CALD1: variants seen among roughly 807,000 people sequenced by gnomAD.
CALD1 encodes the protein caldesmon 1.
CALD1 carries 33 observed loss-of-function variants against 99.9 expected under a neutral mutation model. The observed-to-expected ratio is 0.33, with a 90% CI of 0.25 to 0.44. CALD1 has a LOEUF of 0.44. Among genes scored for constraint, CALD1 ranks in the 20% least tolerant of loss-of-function variants. The probability of loss-of-function intolerance (pLI) is 1.00; values close to 1 mark genes in which losing one functional copy is unlikely to be tolerated. For missense variants in CALD1, 861 were observed against 962.1 expected (o/e 0.89, Z 1.39); for synonymous variants, 310 against 325.0 (o/e 0.95, Z 0.50).
chr7:134,776,542 A>G (rs777428241), upstream of CALD1, among the ~76,000 whole-genome samples: 4 of 152,130 alleles, frequency 2.6e-5, no homozygotes, highest in Non-Finnish European at 2.9e-5. Context: ...CTGCATTCAT[A>G]AGTGCACTTA....
intron 7 of CALD1, among the ~76,000 whole-genome samples, chr7:134,945,944 T>C (rs900731239): frequency 6.6e-6 from 1 of 152,196 alleles, no homozygotes; most frequent in African/African-American, 2.4e-5. Flanking sequence ...TGTGGACAGA[T>C]GGATTTACTT....
At chr7:134,891,510 T>A in intron 3 of CALD1, 1 of 1,492,172 alleles carries the variant, frequency 6.7e-7, no homozygotes, top group Non-Finnish European at 9.0e-7. Context: ...GCACCGTGCA[T>A]TTCAGCCACA....
the CALD1 span, among the ~76,000 whole-genome samples, chr7:134,718,088 T>C: frequency 6.6e-6 from 1 of 152,234 alleles, no homozygotes; most frequent in African/African-American, 2.4e-5. Flanking sequence ...AATCTAAAGT[T>C]GGTTCATGGT....
chr7:134,889,760 G>A (rs1802053683), intron 3 of CALD1, among the ~76,000 whole-genome samples: 1 of 152,146 alleles, frequency 6.6e-6, no homozygotes, highest in Admixed American at 6.5e-5. Context: ...GGTGTCTTAT[G>A]TGCTACTTTC....
the CALD1 span, among the ~76,000 whole-genome samples, chr7:134,733,800 C>T: frequency 7.3e-6 from 1 of 136,350 alleles, no homozygotes; most frequent in Non-Finnish European, 1.5e-5. Context: ...CTGAGCGAGA[C>T]TCTGTCTCAA....
intron 3 of CALD1, among the ~76,000 whole-genome samples, chr7:134,915,872 T>C (rs566900006): frequency 6.6e-6 from 1 of 152,306 alleles, no homozygotes; most frequent in East Asian, 1.9e-4. Context: ...TCCCTCCACA[T>C]TGAGCAGGCC....
upstream of CALD1, among the ~76,000 whole-genome samples, chr7:134,740,008 C>T (rs1796580290): frequency 1.3e-5 from 2 of 151,996 alleles, no homozygotes; most frequent in Non-Finnish European, 2.9e-5. Context: ...ATTTCAGGAA[C>T]ATTTCAGATA....
upstream of CALD1, among the ~76,000 whole-genome samples, chr7:134,774,823 T>C (rs967496480): frequency 1.3e-5 from 2 of 152,342 alleles, no homozygotes; most frequent in East Asian, 1.9e-4. Context: ...TCTGGACTTA[T>C]GCTAATTCCT....
chr7:134,837,859 T>G (rs1799507273), intron 1 of CALD1, among the ~76,000 whole-genome samples: 1 of 152,242 alleles, frequency 6.6e-6, no homozygotes, highest in Admixed American at 6.5e-5. Flanking sequence ...AGCTGATACC[T>G]GTTAGTTATC....
chr7:134,940,541 T>C (rs1245149141), intron 6 of CALD1, among the ~76,000 whole-genome samples: 2 of 152,358 alleles, frequency 1.3e-5, no homozygotes, highest in East Asian at 3.9e-4. Flanking sequence ...AAGGTAGGGT[T>C]AGTAAATGTC....
intron 2 of CALD1, among the ~76,000 whole-genome samples, chr7:134,861,566 G>T (rs908276702): frequency 1.3e-5 from 2 of 152,186 alleles, no homozygotes; most frequent in African/African-American, 4.8e-5. Flanking sequence ...AAGCCTGGTG[G>T]AACTTTAAAG....
At chr7:134,882,946 A>T (rs1801675867) in intron 3 of CALD1, among the ~76,000 whole-genome samples, 2 of 152,226 alleles carry the variant, frequency 1.3e-5, no homozygotes, top group Admixed American at 1.3e-4. Flanking sequence ...ATTTTTATAA[A>T]TGGTTTATGC....
intron 1 of CALD1, among the ~76,000 whole-genome samples, chr7:134,812,086 T>C (rs1325326238): frequency 1.3e-5 from 2 of 152,320 alleles, no homozygotes; most frequent in Non-Finnish European, 2.9e-5. Context: ...AAGGTTTTTG[T>C]CTGGCCTGGG....
chr7:134,831,599 A>G (rs1799223877), intron 1 of CALD1, among the ~76,000 whole-genome samples: 2 of 152,124 alleles, frequency 1.3e-5, no homozygotes, highest in Non-Finnish European at 2.9e-5. Flanking sequence ...GATTACAGGC[A>G]TGAGCCACCG....
At chr7:134,725,415 ATC>A in the CALD1 span, among the ~76,000 whole-genome samples, 1 of 152,192 alleles carries the variant, frequency 6.6e-6, no homozygotes, top group African/African-American at 2.4e-5. Flanking sequence ...ATTTGTATGC[ATC>A]TCTCTCTCAA....
intron 3 of CALD1, among the ~76,000 whole-genome samples, chr7:134,907,471 A>C (rs1803476942): frequency 6.6e-6 from 1 of 152,086 alleles, no homozygotes; most frequent in Non-Finnish European, 1.5e-5. Flanking sequence ...TGTCTGTCCC[A>C]GGTCCTAGAA....
chr7:134,962,913 C>G (rs1249009233), intron 13 of CALD1: 1 of 456,634 alleles, frequency 2.2e-6, no homozygotes, highest in Admixed American at 2.3e-5. Context: ...GTGGGTCTTT[C>G]TCTAAAATGT....
At chr7:134,913,090 C>A (rs1027702210) in intron 3 of CALD1, among the ~76,000 whole-genome samples, 1 of 152,048 alleles carries the variant, frequency 6.6e-6, no homozygotes, top group Non-Finnish European at 1.5e-5. Flanking sequence ...CATGGAGAAA[C>A]CCCGTCTCTA....
At chr7:134,958,885 A>ATATATTTAAC (rs1808005374) in intron 11 of CALD1, among the ~76,000 whole-genome samples, 1 of 46,766 alleles carries the variant, frequency 2.1e-5, no homozygotes, top group African/African-American at 6.1e-5. Flanking sequence ...ATATATATAT[A>ATATATTTAAC]TATATATATA....
Sources: gnomAD v4.1 joint callset for allele counts (sites outside exome capture counted in the v4.1 genomes callset) on GRCh38, gnomAD v4.1.1 for gene constraint, MANE v1.5 for transcripts, NCBI Gene and HGNC (gene_info 2026-07-23, HGNC 2026-07-21) for gene names.